EEF1A1: variants seen among roughly 807,000 people sequenced by gnomAD.
EEF1A1 encodes the protein eukaryotic translation elongation factor 1 alpha 1, also known as elongation factor 1-alpha 1.
Under a neutral mutation model 38.5 loss-of-function variants are expected in EEF1A1, and 1 was observed. That is an observed-to-expected ratio of 0.03 (90% CI 0.01 to 0.12). The LOEUF (loss-of-function observed/expected upper bound fraction) is 0.12. EEF1A1 is among the 10% of genes least tolerant of loss of function. The probability of loss-of-function intolerance (pLI) is 1.00; values close to 1 mark genes in which losing one functional copy is unlikely to be tolerated. For synonymous variants in EEF1A1, 229 were observed against 203.7 expected, an observed-to-expected ratio of 1.12 and a Z score of -1.06; for missense variants, 184 against 588.3, an observed-to-expected ratio of 0.31 and a Z score of 7.11.
chr6:73,516,771 T>C lies in EEF1A1; in HGVS notation c.*1039A>G, dbSNP rs1343200769. The C allele has an allele frequency of 6.6e-6, 1 of 152,170 alleles. No homozygotes were observed. The highest frequency in any genetic ancestry group is 1.5e-5 in the Non-Finnish European group (1 of 68,040). The allele number at this position is 152,170 out of a possible 1,614,324, so 9.4% of individuals were successfully genotyped here. A position where few individuals can be genotyped will look rare whatever the true frequency, so the allele number is the denominator to read the frequency against. On this transcript the variant is annotated 3_prime_UTR_variant, in exon 8 of 8. Transcript: ENST00000309268. ...CCAGCAGGAAGATCGCGAAAAGCAT[T>C]TTTCAAATGCACAAATGCTTAAAGA...
chr6:73,516,617 CAGAA>C lies in EEF1A1; in HGVS notation c.*1189_*1192del, dbSNP rs940749696. ...AAATTTTTAAAAACCATCACACAAA[CAGAA>C]AGCATGTCCTTTAATTTTACCTATC... On this transcript the variant is annotated 3_prime_UTR_variant, in exon 8 of 8. Coordinates refer to ENST00000309268, the MANE Select transcript of EEF1A1 (RefSeq NM_001402.6). 3 of 152,050 alleles carry C rather than the reference CAGAA, an allele frequency of 2.0e-5. No individual in the cohort carries two copies. The highest frequency in any genetic ancestry group is 2.9e-5 in the Non-Finnish European group (2 of 68,006). 9.4% of individuals were successfully genotyped at this position (152,050 alleles called of 1,614,324 possible).
rs1475283984 is a variant in EEF1A1, at chr6:73,519,506, C to G, written c.155G>C (p.Gly52Ala). The G allele has an allele frequency of 6.3e-7, 1 of 1,595,628 alleles. No homozygotes were observed. The highest frequency in any genetic ancestry group is 8.5e-7 in the Non-Finnish European group (1 of 1,176,804). Residue 52 changes from glycine to alanine, a missense_variant, in exon 3 of 8, where the codon GGC becomes GCC. By Grantham distance (60) the Gly-to-Ala change is moderately conservative (BLOSUM62 0). This residue lies in a region of EEF1A1 where 57 missense variants were observed against 228.1 expected (regional missense o/e 0.25). Coordinates refer to ENST00000309268, the MANE Select transcript of EEF1A1 (RefSeq NM_001402.6). ...FEKEAAEMGK[G>A]SFKYAWVLDK... ...CAAGACCCAGGCATACTTGAAGGAGCCCTTTCCCATCTGTAAGGATTAAGA... is the reference window on the plus strand; with the variant it reads ...CAAGACCCAGGCATACTTGAAGGAGGCCTTTCCCATCTGTAAGGATTAAGA...
rs1765580054 is a variant in EEF1A1 at position 73,518,552 on chromosome 6, C to T, written c.831G>A (p.Val277=). The part of the protein sequence containing the change: ...VETGVLKPGM[V]VTFAPVNVTT... ...TAACGTTGACTGGAGCAAAGGTGAC[C>T]ACCATACCGGGTTTGAGAACACCAG... The change falls in exon 6 of 8, where the codon GTG becomes GTA. Residue 277 remains valine (V), a synonymous_variant. Transcript: ENST00000309268. The T allele has an allele frequency of 6.2e-7, 1 of 1,613,734 alleles. No homozygotes were observed. The highest frequency in any genetic ancestry group is 1.3e-5 in the African/African-American group (1 of 74,870).
In EEF1A1 at chr6:73,517,837, A is replaced by G. The variant is rs534691194; in HGVS notation, c.1362T>C (p.Ser454=). 1.3e-6 allele frequency: 2 copies of G among 1,587,958 alleles called. No individual in the cohort carries two copies. The highest frequency in any genetic ancestry group is 1.7e-5 in the Admixed American group (1 of 58,742). Residue 454 remains serine (S), a synonymous_variant, in exon 8 of 8, where the codon TCT becomes TCC. Coordinates refer to ENST00000309268, the MANE Select transcript of EEF1A1 (RefSeq NM_001402.6). ...ATTTAGCCTTCTGAGCTTTCTGGGC[A>G]GACTTGGTGACCTTGCCAGCTCCAG... is the stretch of plus-strand genomic sequence containing the variant. ...KAAGAGKVTK[S]AQKAQKAK
At chr6:73,520,910 T>A (rs1480793561) in intron 1 of EEF1A1, 90 bp downstream of exon 1, 1 of 152,706 alleles carries the variant, frequency 6.5e-6, no homozygotes, top group Non-Finnish European at 1.5e-5. Context: ...AATCACGTAC[T>A]GCAGCCAGGG....
In EEF1A1 at chr6:73,516,013, A is replaced by G. The variant is rs928147095; in HGVS notation, c.*1797T>C. The G allele has an allele frequency of 6.6e-6, 1 of 152,216 alleles. No individual in the cohort carries two copies. The highest frequency in any genetic ancestry group is 1.5e-5 in the Non-Finnish European group (1 of 68,044). 9.4% of individuals were successfully genotyped at this position (152,216 alleles called of 1,614,324 possible). The stretch of plus-strand genomic sequence containing the variant: ...TCAGGGCATCTATTGGCCATCTATT[A>G]AAGGCCTTACCTGTTTTTTCTGTCA... On this transcript the variant is annotated 3_prime_UTR_variant, in exon 8 of 8. Transcript: ENST00000309268.
At chr6:73,519,740 C>CA (rs1279960943) in intron 2 of EEF1A1, 143 bp downstream of exon 2, 5 of 1,348,634 alleles carry the variant, frequency 3.7e-6, no homozygotes, top group Non-Finnish European at 1.0e-6. Flanking sequence ...CAGAAGTCAC[C>CA]AAAAGCAAAA....
At chr6:73,520,352 G>C (rs907914282) in intron 1 of EEF1A1, 35 of 206,728 alleles carry the variant, frequency 1.7e-4, no homozygotes, top group Non-Finnish European at 3.0e-4. Flanking sequence ...CCTTTGTGTG[G>C]GTGACTCACC....
In EEF1A1 at chr6:73,518,929, T is replaced by C. The variant is rs1303556555; in HGVS notation, c.621+3A>G. ...TTTAACAATGGTCTTGAAAGCCACT[T>C]ACGTTAGCACTTGGCTCCAGCATGT... On this transcript the variant is annotated splice_donor_region_variant and intron_variant, in intron 4 of 7. Coordinates refer to ENST00000309268, the MANE Select transcript of EEF1A1 (RefSeq NM_001402.6). 1 of 1,612,452 alleles carries C rather than the reference T, an allele frequency of 6.2e-7. No homozygotes were observed. Among genetic ancestry groups the C allele is most frequent in the Admixed American group, 1.7e-5 (1 of 59,996 alleles).
chr6:73,518,883 A>C (rs776212459), intron 4 of EEF1A1, 35 bp from the exon 5 acceptor site: 16 of 1,611,174 alleles, frequency 9.9e-6, no homozygotes, highest in Admixed American at 3.3e-5. Context: ...TGTAAGCATG[A>C]AATCGCCATT....
Position 73,516,647 on chromosome 6 carries a change from CTTCAAACTTA to C in EEF1A1, c.*1153_*1162del, listed in dbSNP as rs1483692680. The C allele has an allele frequency of 6.6e-6, 1 of 151,994 alleles. No homozygotes were observed. The highest frequency in any genetic ancestry group is 1.5e-5 in the Non-Finnish European group (1 of 68,010). 9.4% of individuals were successfully genotyped at this position (151,994 alleles called of 1,614,324 possible). A position where few individuals can be genotyped will look rare whatever the true frequency, so the allele number is the denominator to read the frequency against. On this transcript the variant is annotated 3_prime_UTR_variant, in exon 8 of 8. Coordinates refer to ENST00000309268, the MANE Select transcript of EEF1A1 (RefSeq NM_001402.6). ...AGCATGTCCTTTAATTTTACCTATC[CTTCAAACTTA>C]AGCAAAAATTTTCCTTTTATAACCA...
chr6:73,517,891 A>G lies in EEF1A1; in HGVS notation c.1308T>C (p.Gly436=). The change falls in exon 8 of 8, where the codon GGT becomes GGC. Residue 436 remains glycine (G), a synonymous_variant. Coordinates refer to ENST00000309268, the MANE Select transcript of EEF1A1 (RefSeq NM_001402.6). ...CCTTCTTGTCCACTGCTTTGATGAC[A>G]CCCACCGCAACTGTCTGTCTCATAT... ...VRDMRQTVAV[G]VIKAVDKKAA... 1 of 1,611,664 alleles carries G rather than the reference A, an allele frequency of 6.2e-7. No individual in the cohort carries two copies. The highest frequency in any genetic ancestry group is 1.1e-5 in the South Asian group (1 of 90,826).
intron 2 of EEF1A1, among the ~76,000 whole-genome samples, 157 bp from the exon 3 acceptor site, chr6:73,519,673 T>TTTA (rs1401065853): frequency 6.6e-6 from 1 of 152,120 alleles, no homozygotes; most frequent in African/African-American, 2.4e-5. Context: ...AAATCAAACT[T>TTTA]TTATAAGTCG....
chr6:73,518,915 T>A lies in EEF1A1; in HGVS notation c.621+17A>T, dbSNP rs750221943. ...CATTCCCAGAGCTTTTTAACAATGG[T>A]CTTGAAAGCCACTTACGTTAGCACT... On this transcript the variant is annotated intron_variant, in intron 4 of 7. Coordinates refer to ENST00000309268, the MANE Select transcript of EEF1A1 (RefSeq NM_001402.6). The A allele has an allele frequency of 5.6e-6, 9 of 1,611,490 alleles. No individual in the cohort carries two copies. Among genetic ancestry groups the A allele is most frequent in the Non-Finnish European group, 7.6e-6 (9 of 1,177,754 alleles).
At position 73,515,847 on chromosome 6, in the gene EEF1A1, G is replaced by A. The variant is rs928126242; in HGVS notation, c.*1963C>T. On this transcript the variant is annotated 3_prime_UTR_variant, in exon 8 of 8. Transcript: ENST00000309268. ...GTTGTCTAAGACACTGGGTTTCACAGGAAGTTAATCTCAATCTCAGTATAT... is the reference window on the plus strand; with the variant it reads ...GTTGTCTAAGACACTGGGTTTCACAAGAAGTTAATCTCAATCTCAGTATAT... 1.3e-5 allele frequency: 2 copies of A among 152,034 alleles called. No homozygotes were observed. The highest frequency in any genetic ancestry group is 3.8e-4 in the East Asian group (2 of 5,196). 9.4% of individuals were successfully genotyped at this position (152,034 alleles called of 1,614,324 possible). A position where few individuals can be genotyped will look rare whatever the true frequency, so the allele number is the denominator to read the frequency against.
intron 2 of EEF1A1, 74 bp from the exon 3 acceptor site, chr6:73,519,590 T>A: frequency 6.9e-7 from 1 of 1,458,826 alleles, no homozygotes; most frequent in Non-Finnish European, 9.2e-7. Context: ...CCCCAGCCCT[T>A]AATTGGCAGT....
Position 73,518,567 on chromosome 6 carries a change from G to A in EEF1A1, c.816C>T (p.Leu272=). The A allele has an allele frequency of 6.2e-7, 1 of 1,613,720 alleles. No homozygotes were observed. Among genetic ancestry groups the A allele is most frequent in the Non-Finnish European group, 8.5e-7 (1 of 1,179,706 alleles). The stretch of plus-strand genomic sequence containing the variant: ...CAAAGGTGACCACCATACCGGGTTT[G>A]AGAACACCAGTCTCCACTCGGCCAA... ...VPVGRVETGV[L]KPGMVVTFAP... Residue 272 remains leucine, a synonymous_variant, in exon 6 of 8, where the codon CTC becomes CTT. Coordinates refer to ENST00000309268, the MANE Select transcript of EEF1A1 (RefSeq NM_001402.6).
Position 73,517,095 on chromosome 6 carries a change from C to G in EEF1A1, c.*715G>C, listed in dbSNP as rs999325497. The G allele has an allele frequency of 2.6e-5, 4 of 152,240 alleles. No homozygotes were observed. The highest frequency in any genetic ancestry group is 9.7e-5 in the African/African-American group (4 of 41,418). 9.4% of individuals were successfully genotyped at this position (152,240 alleles called of 1,614,324 possible). A position where few individuals can be genotyped will look rare whatever the true frequency, so the allele number is the denominator to read the frequency against. ...CCACTCATAGGGTGTACACTAGCCA[C>G]TACACTTATTTCTTATGTCATGGCA... On this transcript the variant is annotated 3_prime_UTR_variant, in exon 8 of 8. Coordinates refer to ENST00000309268, the MANE Select transcript of EEF1A1 (RefSeq NM_001402.6).
In EEF1A1 at chr6:73,516,057, A is replaced by G. The variant is rs1257995511; in HGVS notation, c.*1753T>C. 6.6e-6 allele frequency: 1 copy of G among 152,314 alleles called. No homozygotes were observed. Among genetic ancestry groups the G allele is most frequent in the East Asian group, 1.9e-4 (1 of 5,188 alleles). 9.4% of individuals were successfully genotyped at this position (152,314 alleles called of 1,614,324 possible). ...TCTGTCATCCAGCAAATCTTAGACT[A>G]TTTACTTGTGTAAACATTAGATAGC... On this transcript the variant is annotated 3_prime_UTR_variant, in exon 8 of 8. Coordinates refer to ENST00000309268, the MANE Select transcript of EEF1A1 (RefSeq NM_001402.6).
Sources: allele counts gnomAD v4.1 joint callset (sites outside exome capture counted in the v4.1 genomes callset), GRCh38; gene constraint gnomAD v4.1.1; regional missense constraint gnomAD v4.1.1; transcripts MANE v1.5; gene names NCBI Gene and HGNC (gene_info 2026-07-23, HGNC 2026-07-21).